Variants in HAUS6 observed in about 807,000 individuals in gnomAD.
HAUS6 encodes HAUS augmin-like complex subunit 6.
Under a neutral mutation model 106.8 loss-of-function variants are expected in HAUS6, and 80 were observed. The ratio of observed to expected loss-of-function variants is 0.75; its 90% confidence interval spans 0.63 to 0.90. The LOEUF (loss-of-function observed/expected upper bound fraction) is 0.90, where lower values mean the gene tolerates loss of function less well. Ranked by LOEUF, HAUS6 falls within the 40% of genes least tolerant of loss-of-function variation. The pLI is 0.00. For synonymous variants in HAUS6, 356 were observed against 379.1 expected, an observed-to-expected ratio of 0.94 and a Z score of 0.71; for missense variants, 1,155 against 1,118.1, an observed-to-expected ratio of 1.03 and a Z score of -0.47.
rs757365499 is a variant in HAUS6, at chr9:19,093,235, A to C, written c.372T>G (p.Phe124Leu). The change falls in exon 4 of 17, where the codon TTT (phenylalanine) becomes TTG (leucine). Residue 124 changes from phenylalanine to leucine, a missense_variant. By Grantham distance (22) the Phe-to-Leu change is conservative. Coordinates refer to ENST00000380502, the MANE Select transcript of HAUS6 (RefSeq NM_017645.5). Reference sequence around the variant, plus strand: ...TTGCAAAATGATACATCAGATGAATAAACTTAGGACCACCAGGAGAAAGAA... The same window carrying C: ...TTGCAAAATGATACATCAGATGAATCAACTTAGGACCACCAGGAGAAAGAA... The part of the protein sequence containing the change: ...SLFLSPGGPK[F>L]IHLMYHFARF... The C allele has an allele frequency of 9.3e-6, 15 of 1,609,472 alleles. No individual in the cohort carries two copies. Among genetic ancestry groups the C allele is most frequent in the African/African-American group, 1.3e-5 (1 of 74,764 alleles).
At chr9:19,095,865 A>G (rs1817850290) in intron 2 of HAUS6, among the ~76,000 whole-genome samples, 1 of 152,176 alleles carries the variant, frequency 6.6e-6, no homozygotes, top group Non-Finnish European at 1.5e-5. Flanking sequence ...ATATAACAGT[A>G]GAGTAAATGT....
chr9:19,056,657 G>C (rs1169803230), intron 16 of HAUS6: 1 of 352,288 alleles, frequency 2.8e-6, no homozygotes, highest in Non-Finnish European at 5.2e-6. Context: ...CTGGAGTGCA[G>C]TGGCACGATC....
chr9:19,068,918 G>A (rs1836825485), intron 12 of HAUS6, among the ~76,000 whole-genome samples: 1 of 152,136 alleles, frequency 6.6e-6, no homozygotes, highest in African/African-American at 2.4e-5. Flanking sequence ...ATTACTGGAG[G>A]AAGTTAGAAC....
At chr9:19,088,932 A>T (rs1172834588) in intron 5 of HAUS6, among the ~76,000 whole-genome samples, 1 of 150,962 alleles carries the variant, frequency 6.6e-6, no homozygotes, top group Non-Finnish European at 1.5e-5. Context: ...AAAGTTTTAA[A>T]ATATTTTAGG....
chr9:19,095,388 A>G (rs1046020518), intron 2 of HAUS6, among the ~76,000 whole-genome samples: 11 of 152,076 alleles, frequency 7.2e-5, no homozygotes, highest in African/African-American at 2.7e-4. Flanking sequence ...AAACAAAAAG[A>G]CTAAAAGGCT....
rs561918738 is a variant in HAUS6 at position 19,095,147 on chromosome 9, TATC to T, written c.225-755_225-753del. The stretch of plus-strand genomic sequence containing the variant: ...GATTATGACTCCTAGAGATAATCCT[TATC>T]ATAACTGTGGGTGCTATTATTTTGT... On this transcript the variant is annotated intron_variant, in intron 2 of 16. Coordinates refer to ENST00000380502, the MANE Select transcript of HAUS6 (RefSeq NM_017645.5). Among the ~76,000 whole-genome samples the T allele has an allele frequency of 4.1e-3, 620 of 151,988 alleles. 2 individuals carry two copies. Among genetic ancestry groups the T allele is most frequent in the African/African-American group, 0.014 (595 of 41,472 alleles).
At chr9:19,098,505 G>C (rs1383290361) in intron 1 of HAUS6, among the ~76,000 whole-genome samples, 1 of 151,518 alleles carries the variant, frequency 6.6e-6, no homozygotes, top group Non-Finnish European at 1.5e-5. Context: ...GTATAGCCAG[G>C]TCCAATACAG....
At chr9:19,088,566 G>A (rs1348529388) in intron 5 of HAUS6, among the ~76,000 whole-genome samples, 1 of 151,764 alleles carries the variant, frequency 6.6e-6, no homozygotes, top group Non-Finnish European at 1.5e-5. Context: ...TAAGAAAACT[G>A]AACTTTTTAA....
chr9:19,100,740 G>A (rs991290273), intron 1 of HAUS6, among the ~76,000 whole-genome samples: 1 of 152,160 alleles, frequency 6.6e-6, no homozygotes, highest in Admixed American at 6.6e-5. Context: ...TATACACAAT[G>A]GAATATTATT....
At chr9:19,056,662 A>G in intron 16 of HAUS6, 1 of 336,006 alleles carries the variant, frequency 3.0e-6, no homozygotes, top group Non-Finnish European at 5.5e-6. Flanking sequence ...GTGCAGTGGC[A>G]CGATCGCAGC....
chr9:19,082,817 T>C, intron 8 of HAUS6, 56 bp downstream of exon 8: 2 of 861,214 alleles, frequency 2.3e-6, no homozygotes, highest in East Asian at 2.9e-5. Flanking sequence ...TGCAAGAAAA[T>C]ATACAATTAC....
intron 1 of HAUS6, among the ~76,000 whole-genome samples, chr9:19,101,614 AAAT>A (rs1817988679): frequency 6.6e-6 from 1 of 152,086 alleles, no homozygotes; most frequent in African/African-American, 2.4e-5. Context: ...ACTGTCTCTA[AAAT>A]AATAATACTT....
intron 8 of HAUS6, among the ~76,000 whole-genome samples, chr9:19,080,890 T>A (rs1837130765): frequency 6.6e-6 from 1 of 152,042 alleles, no homozygotes; most frequent in African/African-American, 2.4e-5. Flanking sequence ...CTGACCAACA[T>A]GGAGAAACCC....
At chr9:19,059,137 A>G in intron 15 of HAUS6, 136 bp from the exon 16 acceptor site, 1 of 605,746 alleles carries the variant, frequency 1.7e-6, no homozygotes, top group South Asian at 2.2e-5. Flanking sequence ...TTGGATGATA[A>G]GCCTCCACAA....
chr9:19,070,021 A>G (rs1016919388), intron 12 of HAUS6, among the ~76,000 whole-genome samples, 198 bp downstream of exon 12: 4 of 152,092 alleles, frequency 2.6e-5, no homozygotes, highest in Non-Finnish European at 5.9e-5. Flanking sequence ...TCAGCCTCCC[A>G]AAGTGCTAGG....
intron 4 of HAUS6, among the ~76,000 whole-genome samples, chr9:19,089,855 C>G (rs1817707351): frequency 6.6e-6 from 1 of 152,074 alleles, no homozygotes; most frequent in Non-Finnish European, 1.5e-5. Context: ...TTTTTTGAGA[C>G]AGGGTCTCAC....
chr9:19,087,403 T>C (rs564151568), intron 5 of HAUS6, among the ~76,000 whole-genome samples: 1 of 152,336 alleles, frequency 6.6e-6, no homozygotes, highest in East Asian at 1.9e-4. Flanking sequence ...GTAAGACGAC[T>C]CTGCTCTTAT....
At chr9:19,098,750 C>T (rs1480083524) in intron 1 of HAUS6, among the ~76,000 whole-genome samples, 2 of 152,000 alleles carry the variant, frequency 1.3e-5, no homozygotes, top group Admixed American at 6.6e-5. Context: ...GAGCCGGGCC[C>T]GGTGGCTCAC....
At chr9:19,094,114 T>TCTA (rs1817811123) in intron 3 of HAUS6, among the ~76,000 whole-genome samples, 1 of 152,196 alleles carries the variant, frequency 6.6e-6, no homozygotes, top group African/African-American at 2.4e-5. Context: ...CTATTTTCAG[T>TCTA]ACACCTGGCC....
Sources: allele counts gnomAD v4.1 joint callset (sites outside exome capture counted in the v4.1 genomes callset), GRCh38; gene constraint gnomAD v4.1.1; transcripts MANE v1.5; gene names NCBI Gene and HGNC (gene_info 2026-07-23, HGNC 2026-07-21).